Variants in SEMA3D observed in about 807,000 individuals in gnomAD.
SEMA3D encodes the protein semaphorin-3D.
SEMA3D carries 84 observed loss-of-function variants against 100.1 expected under a neutral mutation model. That is an observed-to-expected ratio of 0.84 (90% CI 0.70 to 1.01). SEMA3D has a LOEUF of 1.01. SEMA3D is among the 50% of genes least tolerant of loss of function. The pLI is 0.00. For missense variants in SEMA3D, 875 were observed against 934.1 expected (o/e 0.94, Z 0.82); for synonymous variants, 312 against 320.7 (o/e 0.97, Z 0.29).
At chr7:85,233,432 T>G in the SEMA3D span, among the ~76,000 whole-genome samples, 1 of 152,284 alleles carries the variant, frequency 6.6e-6, no homozygotes, top group South Asian at 2.1e-4. Flanking sequence ...TAATACTGCC[T>G]TACTTCTAAA....
chr7:85,171,641 T>C (rs1027055057), intron 1 of SEMA3D, among the ~76,000 whole-genome samples: 1 of 151,872 alleles, frequency 6.6e-6, no homozygotes, highest in African/African-American at 2.4e-5. Flanking sequence ...AGGTAATAAT[T>C]TGAAAAAGGA....
intron 2 of SEMA3D, among the ~76,000 whole-genome samples, chr7:85,145,237 C>CA (rs145186980): frequency 0.024 from 3,439 of 144,052 alleles, 64 homozygotes; most frequent in South Asian, 0.086. Context: ...TATGTAAAAC[C>CA]AAAAAAAAAA....
At chr7:85,082,704 T>G (rs1164760300) in intron 4 of SEMA3D, among the ~76,000 whole-genome samples, 1 of 152,234 alleles carries the variant, frequency 6.6e-6, no homozygotes, top group African/African-American at 2.4e-5. Flanking sequence ...ATATTATCTT[T>G]GTGGTGAAAT....
rs10486850 is a variant in SEMA3D at position 85,126,313 on chromosome 7, G to T, written c.-40-4382C>A. On this transcript the variant is annotated intron_variant, in intron 2 of 18. Transcript: ENST00000284136. ...AAGTAGCTTCTATGCACGGAACAAT[G>T]ATTAAAATATGTAAGTCTTCTTGCA... Among the ~76,000 whole-genome samples, 732 of 151,602 alleles carry T rather than the reference G, an allele frequency of 4.8e-3. 20 individuals carry two copies. Among genetic ancestry groups the T allele is most frequent in the Admixed American group, 0.036 (550 of 15,142 alleles).
At chr7:85,204,333 T>C in the SEMA3D span, among the ~76,000 whole-genome samples, 1 of 125,656 alleles carries the variant, frequency 8.0e-6, no homozygotes, top group Non-Finnish European at 1.6e-5. Flanking sequence ...CTGCAGCTAT[T>C]GATCTAATAC....
At chr7:85,001,541 T>C (rs1789655656) in intron 18 of SEMA3D, among the ~76,000 whole-genome samples, 1 of 152,260 alleles carries the variant, frequency 6.6e-6, no homozygotes, top group Middle Eastern at 3.4e-3. Context: ...ATTGTTTTTT[T>C]CCCTTAGATA....
At chr7:85,182,013 T>G (rs931497426) in intron 1 of SEMA3D, among the ~76,000 whole-genome samples, 17 of 152,186 alleles carry the variant, frequency 1.1e-4, no homozygotes, top group African/African-American at 4.1e-4. Flanking sequence ...CACTCAAGTT[T>G]CAAAATAATC....
intron 7 of SEMA3D, among the ~76,000 whole-genome samples, chr7:85,066,028 C>A (rs1225252731): frequency 6.6e-6 from 1 of 152,148 alleles, no homozygotes; most frequent in Non-Finnish European, 1.5e-5. Flanking sequence ...TGAAAGGGAG[C>A]TTTCAGCACT....
the SEMA3D span, among the ~76,000 whole-genome samples, chr7:85,231,732 G>A: frequency 2.3e-4 from 35 of 152,234 alleles, no homozygotes; most frequent in African/African-American, 7.7e-4. Context: ...TTATAGGCGT[G>A]AGCCACTGCG....
intron 9 of SEMA3D, among the ~76,000 whole-genome samples, chr7:85,054,593 G>A (rs954929557): frequency 3.3e-5 from 5 of 152,146 alleles, no homozygotes; most frequent in African/African-American, 1.2e-4. Context: ...GGGCTCACAA[G>A]TTGGCCTCAT....
At chr7:85,221,884 C>A in the SEMA3D span, among the ~76,000 whole-genome samples, 1 of 151,912 alleles carries the variant, frequency 6.6e-6, no homozygotes, top group Non-Finnish European at 1.5e-5. Context: ...TTATGACACT[C>A]AAATTTATCA....
At chr7:85,181,045 A>G (rs1479869146) in intron 1 of SEMA3D, among the ~76,000 whole-genome samples, 1 of 152,202 alleles carries the variant, frequency 6.6e-6, no homozygotes, top group Admixed American at 6.5e-5. Flanking sequence ...TCACAGAGGT[A>G]AATTGTCATT....
At chr7:85,170,683 G>A (rs1791061234) in intron 1 of SEMA3D, among the ~76,000 whole-genome samples, 1 of 151,874 alleles carries the variant, frequency 6.6e-6, no homozygotes, top group Admixed American at 6.6e-5. Flanking sequence ...TATCACATAT[G>A]TGAAAGGGTT....
At chr7:85,019,768 G>A (rs889550858) in intron 14 of SEMA3D, among the ~76,000 whole-genome samples, 2 of 151,478 alleles carry the variant, frequency 1.3e-5, no homozygotes, top group African/African-American at 4.8e-5. Flanking sequence ...CCGGGTGAGA[G>A]GAGTTTAGCA....
At chr7:85,214,417 G>A in the SEMA3D span, among the ~76,000 whole-genome samples, 2 of 152,164 alleles carry the variant, frequency 1.3e-5, no homozygotes, top group South Asian at 2.1e-4. Flanking sequence ...AGAAACATAC[G>A]ACACCCAGAG....
rs758730235 is a variant in SEMA3D, at chr7:85,018,230, T to A, written c.1545+22A>T. On this transcript the variant is annotated intron_variant, in intron 15 of 18. Transcript: ENST00000284136. ...AGCCCATTGCTTTTGTGATTAACTT[T>A]CATACAAAAGTTAAAAAGTACCTGC... The A allele has an allele frequency of 3.6e-5, 55 of 1,515,520 alleles. No individual in the cohort carries two copies. Among genetic ancestry groups the A allele is most frequent in the Non-Finnish European group, 4.8e-5 (52 of 1,092,404 alleles). The allele number at this position is 1,515,520 out of a possible 1,614,324, so 93.9% of individuals were successfully genotyped here. A position where few individuals can be genotyped will look rare whatever the true frequency, so the allele number is the denominator to read the frequency against.
the SEMA3D span, among the ~76,000 whole-genome samples, chr7:85,246,997 G>A: frequency 6.6e-6 from 1 of 151,860 alleles, no homozygotes; most frequent in Admixed American, 6.6e-5. Flanking sequence ...GAAAAATTTG[G>A]TAAAATAATT....
At chr7:85,180,402 T>A (rs1445312347) in intron 1 of SEMA3D, among the ~76,000 whole-genome samples, 7 of 152,200 alleles carry the variant, frequency 4.6e-5, no homozygotes, top group African/African-American at 1.4e-4. Flanking sequence ...CTTTCCTTTA[T>A]AAATTACTCA....
intron 2 of SEMA3D, chr7:85,141,733 T>C (rs1419834864): frequency 3.4e-6 from 3 of 890,114 alleles, no homozygotes; most frequent in Non-Finnish European, 4.0e-6. Flanking sequence ...ATGTTTTCTA[T>C]TGAGAGAAAC....
Sources: allele counts gnomAD v4.1 joint callset (sites outside exome capture counted in the v4.1 genomes callset), GRCh38; gene constraint gnomAD v4.1.1; transcripts MANE v1.5; gene names NCBI Gene and HGNC (gene_info 2026-07-23, HGNC 2026-07-21).